The following DYM variants were observed in gnomAD, a reference collection of about 807,000 sequenced individuals.
DYM encodes the protein dymeclin, also known as dyggve-Melchior-Clausen syndrome protein.
A neutral mutation model predicts 93.1 loss-of-function variants in DYM; 78 were observed. The ratio of observed to expected loss-of-function variants is 0.84; its 90% CI spans 0.70 to 1.01. DYM has a LOEUF of 1.01. Ranked by LOEUF, DYM falls within the 50% of genes least tolerant of loss-of-function variation. The probability of loss-of-function intolerance (pLI) is 0.00; values close to 1 mark genes in which losing one functional copy is unlikely to be tolerated. For missense variants in DYM, 789 were observed against 845.0 expected (o/e 0.93, Z 0.82); for synonymous variants, 321 against 319.7 (o/e 1.00, Z -0.04).
rs374005319 is a variant in DYM, at chr18:49,210,982, G to C, written c.1461-1267C>G. Among the ~76,000 whole-genome samples the C allele has an allele frequency of 1.4e-4, 22 of 152,282 alleles. No homozygotes were observed. The South Asian group carries it at 4.1e-3, about 29-fold the overall frequency. On this transcript the variant is annotated intron_variant, in intron 13 of 17. Transcript: ENST00000675505. ...AAAATACTTTTTCTTCACGGTATTAGGAATATGTTCCTGGCAAGTAGGCAA... is the reference window on the plus strand; with the variant it reads ...AAAATACTTTTTCTTCACGGTATTACGAATATGTTCCTGGCAAGTAGGCAA...
At chr18:49,300,460 C>G (rs2060853839) in intron 8 of DYM, among the ~76,000 whole-genome samples, 1 of 151,872 alleles carries the variant, frequency 6.6e-6, no homozygotes, top group Non-Finnish European at 1.5e-5. Context: ...ATTAGCCAGG[C>G]ATGGTGGCGC....
At chr18:49,173,591 G>C (rs1296720548) in intron 14 of DYM, among the ~76,000 whole-genome samples, 1 of 151,960 alleles carries the variant, frequency 6.6e-6, no homozygotes, top group East Asian at 1.9e-4. Flanking sequence ...ATTGTTCATA[G>C]CAAGAATGTA....
chr18:49,391,697 A>G, intron 2 of DYM, 52 bp from the exon 3 acceptor site: 4 of 1,440,498 alleles, frequency 2.8e-6, no homozygotes, highest in Non-Finnish European at 3.9e-6. Context: ...CTAAATATGT[A>G]CATGCTAATC....
chr18:49,056,490 C>T (rs1731983418), intron 17 of DYM, among the ~76,000 whole-genome samples: 1 of 152,126 alleles, frequency 6.6e-6, no homozygotes, highest in Admixed American at 6.6e-5. Flanking sequence ...GATTGAATCT[C>T]CATTAATAAA....
intron 6 of DYM, among the ~76,000 whole-genome samples, chr18:49,354,543 G>C (rs1391825032): frequency 2.6e-5 from 4 of 152,006 alleles, no homozygotes; most frequent in Non-Finnish European, 4.4e-5. Flanking sequence ...AGACATATCT[G>C]ATAATGGATT....
chr18:49,059,133 C>T (rs2075741804), intron 17 of DYM, among the ~76,000 whole-genome samples: 1 of 152,202 alleles, frequency 6.6e-6, no homozygotes, highest in South Asian at 2.1e-4. Context: ...CTGATTAAAT[C>T]CCTCTTGCAA....
At chr18:49,275,174 T>C (rs2094819257) in intron 10 of DYM, among the ~76,000 whole-genome samples, 1 of 152,182 alleles carries the variant, frequency 6.6e-6, no homozygotes, top group South Asian at 2.1e-4. Flanking sequence ...AGCCCAACTT[T>C]ATTCCTTTGC....
intron 8 of DYM, among the ~76,000 whole-genome samples, chr18:49,303,266 C>G (rs557192466): frequency 6.6e-6 from 1 of 152,318 alleles, no homozygotes; most frequent in African/African-American, 2.4e-5. Flanking sequence ...CTTCAACAAG[C>G]ATTCACTAAA....
At chr18:49,353,263 T>C (rs575881531) in intron 6 of DYM, among the ~76,000 whole-genome samples, 1 of 152,254 alleles carries the variant, frequency 6.6e-6, no homozygotes, top group East Asian at 1.9e-4. Flanking sequence ...TTAAAATACA[T>C]CGTAAAACTT....
At chr18:49,352,691 T>A (rs963045761) in intron 6 of DYM, among the ~76,000 whole-genome samples, 1 of 152,192 alleles carries the variant, frequency 6.6e-6, no homozygotes, top group Non-Finnish European at 1.5e-5. Context: ...TATACATCAA[T>A]AAACCTAACT....
At chr18:49,382,244 G>A (rs111505619) in intron 3 of DYM, among the ~76,000 whole-genome samples, 1,757 of 152,194 alleles carry the variant, frequency 0.012, 32 homozygotes, top group African/African-American at 0.04. Flanking sequence ...CTCAATCAGC[G>A]TGTATTTATT....
intron 8 of DYM, among the ~76,000 whole-genome samples, chr18:49,297,900 T>A (rs981259850): frequency 3.3e-5 from 5 of 151,962 alleles, no homozygotes; most frequent in Non-Finnish European, 5.9e-5. Context: ...AATCAACATA[T>A]ATATTAAGAA....
At chr18:49,237,585 T>C (rs888995273) in intron 13 of DYM, among the ~76,000 whole-genome samples, 2 of 152,216 alleles carry the variant, frequency 1.3e-5, no homozygotes, top group African/African-American at 4.8e-5. Context: ...TTGAATCATT[T>C]ATTCTAAAAA....
At chr18:49,112,476 G>C (rs953087282) in intron 16 of DYM, among the ~76,000 whole-genome samples, 2 of 152,114 alleles carry the variant, frequency 1.3e-5, no homozygotes, top group Non-Finnish European at 2.9e-5. Flanking sequence ...ACCTCAACTT[G>C]AGGGGTGGGT....
chr18:49,114,584 T>G (rs9963666), intron 16 of DYM: 97,426 of 984,626 alleles, frequency 0.099, 5,764 homozygotes, highest in African/African-American at 0.25. Flanking sequence ...CAAATGGATG[T>G]AGTTTAAATT....
At chr18:49,198,196 G>C (rs1051850357) in intron 14 of DYM, among the ~76,000 whole-genome samples, 15 of 152,124 alleles carry the variant, frequency 9.9e-5, no homozygotes, top group Admixed American at 3.9e-4. Flanking sequence ...AACTGAAACT[G>C]GATCCCTTCC....
Position 49,399,928 on chromosome 18 carries a change from ATT to A in DYM, c.141-8285_141-8284del, listed in dbSNP as rs1258036704. 3.0e-4 allele frequency among the ~76,000 whole-genome samples: 28 copies of A among 94,272 alleles called. No homozygotes were observed. The East Asian group carries it at 4.3e-3, about 14-fold the overall frequency. The allele number at this position is 94,272 out of a possible 152,430, so 61.8% of individuals were successfully genotyped here. A position where few individuals can be genotyped will look rare whatever the true frequency, so the allele number is the denominator to read the frequency against. ...TATTTTTTAAAAGACATTTATTTTT[ATT>A]TTTCTTTTTTTTTTTTTTTTTTTTT... On this transcript the variant is annotated intron_variant, in intron 2 of 17. Transcript: ENST00000675505.
At chr18:49,192,999 G>T (rs188098343) in intron 14 of DYM, among the ~76,000 whole-genome samples, 3 of 152,150 alleles carry the variant, frequency 2.0e-5, no homozygotes. Flanking sequence ...GCACAGCATG[G>T]TGAATATAAT....
At chr18:49,432,537 A>G (rs1348246008) in intron 1 of DYM, among the ~76,000 whole-genome samples, 3 of 151,422 alleles carry the variant, frequency 2.0e-5, no homozygotes, top group Admixed American at 6.6e-5. Context: ...GCTTTCATTT[A>G]TAAGATTTTA....
Sources: allele counts gnomAD v4.1 joint callset (sites outside exome capture counted in the v4.1 genomes callset), GRCh38; gene constraint gnomAD v4.1.1; transcripts MANE v1.5; gene names NCBI Gene and HGNC (gene_info 2026-07-23, HGNC 2026-07-21).